PTPRD: variants seen among roughly 807,000 people sequenced by gnomAD.
The protein encoded by PTPRD is receptor-type tyrosine-protein phosphatase delta.
Under a neutral mutation model 214.5 loss-of-function variants are expected in PTPRD, and 34 were observed. The ratio of observed to expected loss-of-function variants is 0.16; its 90% CI spans 0.12 to 0.21. PTPRD has a LOEUF of 0.21. PTPRD is among the 10% of genes least tolerant of loss of function. The probability of loss-of-function intolerance (pLI) is 1.00; values close to 1 mark genes in which losing one functional copy is unlikely to be tolerated. For synonymous variants in PTPRD, 1,128 were observed against 845.7 expected (o/e 1.33, Z -5.79); for missense variants, 2,545 against 2,398.7 (o/e 1.06, Z -1.27).
At chr9:9,741,255 T>G (rs1452799155) in intron 6 of PTPRD, among the ~76,000 whole-genome samples, 1 of 152,122 alleles carries the variant, frequency 6.6e-6, no homozygotes, top group African/African-American at 2.4e-5. Context: ...ACATTTGGAA[T>G]TTATTAGTAC....
chr9:9,678,358 T>C (rs543318175), intron 7 of PTPRD, among the ~76,000 whole-genome samples: 2 of 152,170 alleles, frequency 1.3e-5, no homozygotes, highest in African/African-American at 4.8e-5. Context: ...ATGGTACTGG[T>C]ACCAAAACAG....
At chr9:10,591,436 G>A (rs996466784) in intron 2 of PTPRD, among the ~76,000 whole-genome samples, 2 of 152,028 alleles carry the variant, frequency 1.3e-5, no homozygotes, top group African/African-American at 4.8e-5. Context: ...AGAGTTGTTT[G>A]CAGGAGATGT....
chr9:8,920,115 C>A (rs1049117170), intron 11 of PTPRD, among the ~76,000 whole-genome samples: 4 of 151,992 alleles, frequency 2.6e-5, no homozygotes, highest in Non-Finnish European at 5.9e-5. Context: ...CCGAGGTGGT[C>A]AGATTGCCTG....
intron 9 of PTPRD, among the ~76,000 whole-genome samples, chr9:9,332,880 C>A (rs1190179991): frequency 2.0e-5 from 3 of 151,824 alleles, no homozygotes; most frequent in African/African-American, 7.3e-5. Flanking sequence ...TGCTATATTT[C>A]CAGAAAGAAT....
chr9:9,387,539 T>C (rs76441243), intron 9 of PTPRD, among the ~76,000 whole-genome samples: 5,332 of 152,220 alleles, frequency 0.035, 335 homozygotes, highest in African/African-American at 0.12. Context: ...GATTCTTGGC[T>C]GAAAAAAATT....
intron 11 of PTPRD, among the ~76,000 whole-genome samples, chr9:8,858,791 G>T (rs2098018956): frequency 9.0e-6 from 1 of 111,124 alleles, no homozygotes; most frequent in Non-Finnish European, 2.0e-5. Context: ...GTGGGTGAAG[G>T]AGGCAACACA....
intron 2 of PTPRD, among the ~76,000 whole-genome samples, chr9:10,552,353 T>A (rs569550832): frequency 6.6e-6 from 1 of 152,294 alleles, no homozygotes; most frequent in South Asian, 2.1e-4. Context: ...TTTGGATACC[T>A]ATTGCTCCCC....
chr9:9,280,019 T>C (rs910190217), intron 9 of PTPRD, among the ~76,000 whole-genome samples: 5 of 151,366 alleles, frequency 3.3e-5, no homozygotes, highest in Non-Finnish European at 7.4e-5. Context: ...TTGTTTCCAA[T>C]GTACCGCAAT....
chr9:9,739,240 G>A (rs1474009548), intron 6 of PTPRD, among the ~76,000 whole-genome samples: 1 of 152,126 alleles, frequency 6.6e-6, no homozygotes, highest in Non-Finnish European at 1.5e-5. Context: ...TGGTGATACT[G>A]GGCATCCTTG....
chr9:10,401,047 G>A (rs2098261249), intron 2 of PTPRD, among the ~76,000 whole-genome samples: 1 of 151,536 alleles, frequency 6.6e-6, no homozygotes, highest in Non-Finnish European at 1.5e-5. Flanking sequence ...CATAGGCCTA[G>A]ATGTTTAACT....
chr9:10,059,886 G>A (rs1193508228), intron 3 of PTPRD, among the ~76,000 whole-genome samples: 3 of 151,672 alleles, frequency 2.0e-5, no homozygotes, highest in Non-Finnish European at 4.4e-5. Flanking sequence ...GCACATAATT[G>A]GAATGACAAT....
intron 9 of PTPRD, among the ~76,000 whole-genome samples, chr9:9,254,640 TCTAA>T (rs1168373415): frequency 1.3e-5 from 2 of 152,104 alleles, no homozygotes; most frequent in East Asian, 1.9e-4. Flanking sequence ...AGTTGGTTCC[TCTAA>T]CTTTCATGAT....
intron 8 of PTPRD, among the ~76,000 whole-genome samples, chr9:9,538,860 C>A (rs1167707908): frequency 2.6e-5 from 4 of 151,624 alleles, no homozygotes; most frequent in Non-Finnish European, 5.9e-5. Context: ...TTAATTTTTT[C>A]TTTTGGAATA....
At chr9:8,509,524 T>G (rs1444395061) in intron 21 of PTPRD, among the ~76,000 whole-genome samples, 1 of 152,170 alleles carries the variant, frequency 6.6e-6, no homozygotes, top group Non-Finnish European at 1.5e-5. Flanking sequence ...TGGTCAAGAA[T>G]TAGAAACACA....
At chr9:8,600,595 T>C (rs1238840597) in intron 14 of PTPRD, among the ~76,000 whole-genome samples, 4 of 151,828 alleles carry the variant, frequency 2.6e-5, no homozygotes, top group African/African-American at 9.7e-5. Flanking sequence ...GATGGGGCAC[T>C]GGTCAGGTCA....
intron 36 of PTPRD, among the ~76,000 whole-genome samples, chr9:8,401,730 A>G (rs889249806): frequency 6.6e-6 from 1 of 152,220 alleles, no homozygotes; most frequent in Non-Finnish European, 1.5e-5. Flanking sequence ...TATAAAGACA[A>G]CATCAATCAC....
At chr9:8,901,520 A>G (rs1440517983) in intron 11 of PTPRD, among the ~76,000 whole-genome samples, 1 of 152,192 alleles carries the variant, frequency 6.6e-6, no homozygotes, top group African/African-American at 2.4e-5. Flanking sequence ...TCTCCATTTC[A>G]CAGATGAAAA....
chr9:9,473,833 TGTTAA>T (rs924623607), intron 8 of PTPRD, among the ~76,000 whole-genome samples: 2 of 148,922 alleles, frequency 1.3e-5, no homozygotes, highest in South Asian at 2.1e-4. Flanking sequence ...TTTTTTTTGC[TGTTAA>T]GTTTTTAAAT....
chr9:9,392,157 A>T (rs2066060073), intron 9 of PTPRD, among the ~76,000 whole-genome samples: 2 of 151,910 alleles, frequency 1.3e-5, no homozygotes, highest in Non-Finnish European at 2.9e-5. Flanking sequence ...GACAACTGAG[A>T]CTCCCCTTGG....
Sources: allele counts gnomAD v4.1 joint callset (sites outside exome capture counted in the v4.1 genomes callset), GRCh38; gene constraint gnomAD v4.1.1; transcripts MANE v1.5; gene names NCBI Gene and HGNC (gene_info 2026-07-23, HGNC 2026-07-21).